CSMD1: variants seen among roughly 807,000 people sequenced by gnomAD.
The protein encoded by CSMD1 is CUB and Sushi multiple domains 1, also known as CUB and sushi domain-containing protein 1.
A neutral mutation model predicts 417.5 loss-of-function variants in CSMD1; 213 were observed. The ratio of observed to expected loss-of-function variants is 0.51; its 90% confidence interval spans 0.46 to 0.57. CSMD1 has a LOEUF of 0.57. Among genes scored for constraint, CSMD1 ranks in the 20% least tolerant of loss-of-function variants. The pLI, the probability that CSMD1 is intolerant of heterozygous loss-of-function variation, is 0.00. For synonymous variants in CSMD1, 2,862 were observed against 1,736.8 expected (o/e 1.65, Z -16.11); for missense variants, 6,923 against 4,529.7 (o/e 1.53, Z -15.17).
intron 49 of CSMD1, among the ~76,000 whole-genome samples, chr8:3,062,006 T>C (rs754706558): frequency 6.6e-6 from 1 of 152,158 alleles, no homozygotes; most frequent in African/African-American, 2.4e-5. Context: ...ACCTGACTTA[T>C]TTCACCATAT....
At chr8:4,868,139 G>A (rs972609201) in intron 1 of CSMD1, among the ~76,000 whole-genome samples, 9 of 152,082 alleles carry the variant, frequency 5.9e-5, no homozygotes, top group African/African-American at 2.2e-4. Context: ...GCAAAATTGA[G>A]AAATAATGGG....
chr8:4,975,751 A>C (rs1160952057), intron 1 of CSMD1, among the ~76,000 whole-genome samples: 1 of 152,210 alleles, frequency 6.6e-6, no homozygotes, highest in African/African-American at 2.4e-5. Flanking sequence ...AGACACGGCC[A>C]ACTGTTTCCA....
At chr8:4,173,055 C>T (rs1369083957) in intron 3 of CSMD1, among the ~76,000 whole-genome samples, 1 of 152,076 alleles carries the variant, frequency 6.6e-6, no homozygotes, top group East Asian at 1.9e-4. Context: ...AATTTCCTGC[C>T]CAGCAATAAA....
chr8:2,962,242 C>A (rs775776469), intron 61 of CSMD1, among the ~76,000 whole-genome samples: 2 of 152,160 alleles, frequency 1.3e-5, no homozygotes, highest in Non-Finnish European at 2.9e-5. Context: ...AGTCTAGTAG[C>A]TACTTTAGCA....
chr8:4,684,478 G>C (rs547550747), intron 1 of CSMD1, among the ~76,000 whole-genome samples: 3 of 152,180 alleles, frequency 2.0e-5, no homozygotes, highest in South Asian at 4.1e-4. Context: ...GGTCTTGCTG[G>C]ATCACCCCGG....
chr8:3,399,533 A>C lies in CSMD1; in HGVS notation c.2267-4T>G, dbSNP rs1811911325. The C allele has an allele frequency of 1.3e-6, 2 of 1,581,428 alleles. No homozygotes were observed. The highest frequency in any genetic ancestry group is 1.7e-6 in the Non-Finnish European group (2 of 1,166,610). On this transcript the variant is annotated splice_polypyrimidine_tract_variant and splice_region_variant and intron_variant, in intron 15 of 69. Coordinates refer to ENST00000635120, the MANE Select transcript of CSMD1 (RefSeq NM_033225.6). ...GTCAGATGTCCACCACATGGAGCTA[A>C]AACAAGACGTAGAATATCTATTAGA...
At chr8:4,523,338 G>A (rs1585199516) in intron 2 of CSMD1, among the ~76,000 whole-genome samples, 1 of 152,074 alleles carries the variant, frequency 6.6e-6, no homozygotes, top group African/African-American at 2.4e-5. Flanking sequence ...GACTCAGCCT[G>A]GGCTGCTGCT....
intron 8 of CSMD1, among the ~76,000 whole-genome samples, chr8:3,598,988 G>C (rs1215983299): frequency 6.6e-6 from 1 of 152,128 alleles, no homozygotes; most frequent in African/African-American, 2.4e-5. Context: ...GGCTGAGAGA[G>C]GAGAATTCCG....
intron 3 of CSMD1, among the ~76,000 whole-genome samples, chr8:4,175,210 A>G (rs899064629): frequency 5.9e-5 from 9 of 152,140 alleles, no homozygotes; most frequent in African/African-American, 1.9e-4. Flanking sequence ...AATTGAGCTC[A>G]AGTCACTAAG....
At chr8:4,088,373 T>A (rs1031085133) in intron 3 of CSMD1, among the ~76,000 whole-genome samples, 3 of 152,232 alleles carry the variant, frequency 2.0e-5, no homozygotes, top group African/African-American at 7.2e-5. Flanking sequence ...GTCTTACTTT[T>A]GCGGGAAAGA....
intron 5 of CSMD1, among the ~76,000 whole-genome samples, chr8:3,930,000 T>C (rs1810030523): frequency 6.6e-6 from 1 of 150,502 alleles, no homozygotes; most frequent in South Asian, 2.2e-4. Context: ...TATTTTATTG[T>C]TAATGCAAGG....
intron 8 of CSMD1, among the ~76,000 whole-genome samples, chr8:3,591,414 T>C (rs1352815570): frequency 2.0e-5 from 3 of 152,232 alleles, no homozygotes; most frequent in East Asian, 3.8e-4. Flanking sequence ...TTAGTTGTAA[T>C]ACAAGCAATT....
At chr8:3,547,468 G>C (rs1034212632) in intron 10 of CSMD1, among the ~76,000 whole-genome samples, 3 of 152,122 alleles carry the variant, frequency 2.0e-5, no homozygotes, top group African/African-American at 7.2e-5. Context: ...GTCAATGATT[G>C]TCCGTAATGT....
At chr8:4,704,660 T>C (rs2116834439) in intron 1 of CSMD1, among the ~76,000 whole-genome samples, 1 of 152,346 alleles carries the variant, frequency 6.6e-6, no homozygotes, top group African/African-American at 2.4e-5. Flanking sequence ...ACTGGTCATT[T>C]AAAGAAAACC....
At position 4,934,841 on chromosome 8, in the gene CSMD1, T is replaced by C. The variant is rs114064832; in HGVS notation, c.85+59491A>G. Among the ~76,000 whole-genome samples the C allele has an allele frequency of 3.5e-3, 532 of 152,170 alleles. 3 individuals carry two copies. Among genetic ancestry groups the C allele is most frequent in the African/African-American group, 0.012 (499 of 41,508 alleles). Reference sequence around the variant, plus strand: ...GTATCAATCACCTATCATCCATCTATCAATCAATCAATCATCTAACTATAC... The same window carrying C: ...GTATCAATCACCTATCATCCATCTACCAATCAATCAATCATCTAACTATAC... On this transcript the variant is annotated intron_variant, in intron 1 of 69. Coordinates refer to ENST00000635120, the MANE Select transcript of CSMD1 (RefSeq NM_033225.6).
intron 10 of CSMD1, among the ~76,000 whole-genome samples, chr8:3,523,931 GCA>G (rs541970836): frequency 1.1e-3 from 159 of 139,232 alleles, no homozygotes; most frequent in African/African-American, 4.2e-3. Flanking sequence ...ACATATGCAT[GCA>G]CACTCAGACA....
At chr8:4,053,755 T>C (rs2740885) in intron 3 of CSMD1, among the ~76,000 whole-genome samples, 6 of 151,864 alleles carry the variant, frequency 4.0e-5, no homozygotes, top group African/African-American at 1.5e-4. Flanking sequence ...CCTCTGGATA[T>C]GATGGCATTT....
chr8:3,560,388 G>T (rs747990017), intron 10 of CSMD1, among the ~76,000 whole-genome samples: 1 of 152,098 alleles, frequency 6.6e-6, no homozygotes, highest in Non-Finnish European at 1.5e-5. Context: ...TGAGAGTCAA[G>T]AATTTCAGTG....
chr8:3,357,316 C>T (rs1022108004), intron 21 of CSMD1, among the ~76,000 whole-genome samples: 11 of 152,178 alleles, frequency 7.2e-5, no homozygotes, highest in African/African-American at 2.7e-4. Context: ...AGCTCTGTGT[C>T]CTTGGGCAAA....
Sources: allele counts gnomAD v4.1 joint callset (sites outside exome capture counted in the v4.1 genomes callset), GRCh38; gene constraint gnomAD v4.1.1; transcripts MANE v1.5; gene names NCBI Gene and HGNC (gene_info 2026-07-23, HGNC 2026-07-21).